The following ZC3H12B variants were observed in gnomAD, a reference collection of about 807,000 sequenced individuals.
ZC3H12B encodes zinc finger CCCH-type containing 12B, also known as probable ribonuclease ZC3H12B.
ZC3H12B carries 7 observed loss-of-function variants against 43.9 expected under a neutral mutation model. The observed-to-expected ratio is 0.16, with a 90% CI of 0.09 to 0.30. ZC3H12B has a LOEUF of 0.30. ZC3H12B is among the 10% of genes least tolerant of loss of function. The pLI is 1.00. For synonymous variants in ZC3H12B, 222 were observed against 241.7 expected (o/e 0.92, Z 0.76); for missense variants, 475 against 670.2 (o/e 0.71, Z 3.22).
At chrX:65,109,285 C>A in the ZC3H12B span, among the ~76,000 whole-genome samples, 1 of 111,531 alleles carries the variant, frequency 9.0e-6, no homozygotes, top group Non-Finnish European at 1.9e-5. Flanking sequence ...GATTCCATTA[C>A]AATTCATGTT....
chrX:65,038,105 T>C, the ZC3H12B span, among the ~76,000 whole-genome samples: 1 of 111,164 alleles, frequency 9.0e-6, no homozygotes, highest in South Asian at 3.8e-4. Context: ...AATAACGAGG[T>C]ATGGAGTTAT....
chrX:65,378,541 A>T (rs2066382500), intron 2 of ZC3H12B, among the ~76,000 whole-genome samples: 1 of 112,510 alleles, frequency 8.9e-6, no homozygotes, highest in Admixed American at 9.4e-5. Flanking sequence ...ACGAGAAGGA[A>T]GGAAAGAAAA....
chrX:65,072,339 A>G, the ZC3H12B span, among the ~76,000 whole-genome samples: 12 of 112,198 alleles, frequency 1.1e-4, no homozygotes, highest in Admixed American at 1.0e-3. Context: ...TATTTTGCCT[A>G]TCAGTTTCTG....
chrX:65,285,882 T>C, the ZC3H12B span, among the ~76,000 whole-genome samples: 2 of 111,484 alleles, frequency 1.8e-5, no homozygotes, highest in Non-Finnish European at 3.8e-5. Flanking sequence ...ACACAGAATA[T>C]AGAAAACAAC....
the ZC3H12B span, among the ~76,000 whole-genome samples, chrX:65,250,109 C>T: frequency 9.1e-6 from 1 of 109,894 alleles, no homozygotes; most frequent in African/African-American, 3.3e-5. Context: ...ACAACAGGCC[C>T]CAGTGTGTGA....
chrX:65,344,277 T>C, the ZC3H12B span, among the ~76,000 whole-genome samples: 568 of 112,080 alleles, frequency 5.1e-3, 2 homozygotes, highest in African/African-American at 0.016. Context: ...ATAGATCCAA[T>C]GCTATTCCTA....
chrX:65,365,947 G>T (rs1253843575), upstream of ZC3H12B, among the ~76,000 whole-genome samples: 2 of 109,459 alleles, frequency 1.8e-5, no homozygotes, highest in East Asian at 2.9e-4. Context: ...TGCACCCAGG[G>T]GAAATAAACA....
At chrX:65,183,485 C>A in the ZC3H12B span, among the ~76,000 whole-genome samples, 1 of 111,102 alleles carries the variant, frequency 9.0e-6, no homozygotes, top group African/African-American at 3.3e-5. Context: ...CTGAGTACAC[C>A]AAACCCCAGT....
chrX:65,120,326 G>T, the ZC3H12B span, among the ~76,000 whole-genome samples: 15 of 111,272 alleles, frequency 1.3e-4, no homozygotes, highest in African/African-American at 4.6e-4. Context: ...ATTTCATTGA[G>T]CAGAGGTTTG....
the ZC3H12B span, among the ~76,000 whole-genome samples, chrX:65,332,866 A>G: frequency 1.8e-5 from 2 of 112,181 alleles, no homozygotes; most frequent in Admixed American, 9.5e-5. Flanking sequence ...ATTTGTACTA[A>G]AGATAAATCA....
the ZC3H12B span, among the ~76,000 whole-genome samples, chrX:65,088,392 A>G: frequency 9.0e-6 from 1 of 111,096 alleles, no homozygotes; most frequent in African/African-American, 3.3e-5. Flanking sequence ...CCATCTAGAT[A>G]CTAGAACATT....
At chrX:65,313,537 G>T in the ZC3H12B span, among the ~76,000 whole-genome samples, 1 of 111,985 alleles carries the variant, frequency 8.9e-6, no homozygotes, top group Non-Finnish European at 1.9e-5. Context: ...TAATGCCTAA[G>T]TTGCAGACAA....
chrX:65,502,733 C>T (rs752707090), exon 5 of ZC3H12B: 1 of 1,208,316 alleles, frequency 8.3e-7, no homozygotes, highest in Admixed American at 2.2e-5. Context: ...TGCAGACTAC[C>T]CCATGCCTCC....
chrX:65,291,242 C>A, the ZC3H12B span, among the ~76,000 whole-genome samples: 1 of 110,487 alleles, frequency 9.1e-6, no homozygotes, highest in African/African-American at 3.3e-5. Context: ...TGGAAATTCC[C>A]CGACACAGTA....
chrX:65,467,147 A>G, intron 3 of ZC3H12B, among the ~76,000 whole-genome samples: 2 of 105,145 alleles, frequency 1.9e-5, no homozygotes, highest in Middle Eastern at 9.9e-3. Flanking sequence ...ACTACTCTGT[A>G]TGCCTTTGCA....
At chrX:65,266,647 G>A in the ZC3H12B span, among the ~76,000 whole-genome samples, 6 of 111,585 alleles carry the variant, frequency 5.4e-5, no homozygotes, top group Non-Finnish European at 9.4e-5. Context: ...AGTAGTGGCC[G>A]TGAGGGCAAA....
At chrX:65,296,952 C>G in the ZC3H12B span, among the ~76,000 whole-genome samples, 505 of 111,617 alleles carry the variant, frequency 4.5e-3, 1 homozygote, top group African/African-American at 0.016. Flanking sequence ...TCTAACAACT[C>G]TTTATGAGCA....
the ZC3H12B span, among the ~76,000 whole-genome samples, chrX:65,049,114 C>T: frequency 9.0e-5 from 10 of 110,815 alleles, no homozygotes; most frequent in Non-Finnish European, 1.5e-4. Context: ...TCTCCCATTC[C>T]GTGGGTTTCC....
chrX:65,252,659 C>T, the ZC3H12B span, among the ~76,000 whole-genome samples: 1 of 111,656 alleles, frequency 9.0e-6, no homozygotes, highest in African/African-American at 3.3e-5. Context: ...CATTTAGCCT[C>T]TCAATATAAT....
Sources: allele counts gnomAD v4.1 joint callset (sites outside exome capture counted in the v4.1 genomes callset), GRCh38; gene constraint gnomAD v4.1.1; transcripts MANE v1.5; gene names NCBI Gene and HGNC (gene_info 2026-07-23, HGNC 2026-07-21).